Variants in TNNI3K observed in about 807,000 individuals in gnomAD.
The protein encoded by TNNI3K is serine/threonine-protein kinase TNNI3K.
A neutral mutation model predicts 114.5 loss-of-function variants in TNNI3K; 140 were observed. The ratio of observed to expected loss-of-function variants is 1.22; its 90% CI spans 1.07 to 1.41. TNNI3K has a LOEUF of 1.41. TNNI3K is among the 40% of genes most tolerant of loss of function. The probability of loss-of-function intolerance (pLI) is 0.00; values close to 1 mark genes in which losing one functional copy is unlikely to be tolerated. For synonymous variants in TNNI3K, 347 were observed against 347.5 expected (o/e 1.00, Z 0.02); for missense variants, 1,125 against 1,007.6 (o/e 1.12, Z -1.58).
chr1:74,289,894 C>T (rs117841162), intron 5 of TNNI3K, among the ~76,000 whole-genome samples: 2,800 of 151,948 alleles, frequency 0.018, 67 homozygotes, highest in Admixed American at 0.053. Flanking sequence ...GAGAGACAGT[C>T]ACTTTGTTTA....
At chr1:74,287,692 A>G (rs1007740092) in intron 5 of TNNI3K, among the ~76,000 whole-genome samples, 4 of 152,158 alleles carry the variant, frequency 2.6e-5, no homozygotes, top group Admixed American at 2.6e-4. Flanking sequence ...CTTGGCTATG[A>G]CCTCAAAAAC....
At chr1:74,241,503 T>C (rs1453387263) in intron 2 of TNNI3K, among the ~76,000 whole-genome samples, 1 of 152,226 alleles carries the variant, frequency 6.6e-6, no homozygotes, top group African/African-American at 2.4e-5. Flanking sequence ...CTCATTGTGG[T>C]TTTGATTTGC....
intron 5 of TNNI3K, among the ~76,000 whole-genome samples, chr1:74,295,178 A>T (rs72641165): frequency 0.097 from 45 of 462 alleles, no homozygotes; most frequent in East Asian, 0.31. Context: ...GTTACTAATT[A>T]TTTTTTTACT....
At chr1:74,375,631 C>T (rs943318075) in intron 17 of TNNI3K, 12 of 454,468 alleles carry the variant, frequency 2.6e-5, no homozygotes, top group African/African-American at 2.4e-4. Context: ...GTCTCCTGGC[C>T]CCAGGAGACT....
In TNNI3K at chr1:74,268,838, C is replaced by T. The variant is rs534668048; in HGVS notation, c.334-2760C>T. ...TTTACTTCTGCCTCAAAATCTGCTTCTTCCTGGTTCTTCCCTATCTCTCTA... is the reference window on the plus strand; with the variant it reads ...TTTACTTCTGCCTCAAAATCTGCTTTTTCCTGGTTCTTCCCTATCTCTCTA... On this transcript the variant is annotated intron_variant, in intron 4 of 24. Transcript: ENST00000326637. 3.3e-5 allele frequency among the ~76,000 whole-genome samples: 5 copies of T among 151,906 alleles called. No individual in the cohort carries two copies. In the South Asian group the frequency reaches 1.0e-3, roughly 32 times the overall value.
intron 4 of TNNI3K, among the ~76,000 whole-genome samples, chr1:74,254,622 C>G (rs1203114628): frequency 2.6e-5 from 4 of 152,098 alleles, no homozygotes; most frequent in Admixed American, 2.6e-4. Context: ...TCCTTTTGTT[C>G]ACTACATCAA....
chr1:74,300,057 A>T (rs1557483572), intron 5 of TNNI3K, among the ~76,000 whole-genome samples: 1 of 152,054 alleles, frequency 6.6e-6, no homozygotes. Flanking sequence ...CCTTGAATTC[A>T]CTCTTTTGGC....
chr1:74,361,936 G>A (rs1364098983), intron 11 of TNNI3K, among the ~76,000 whole-genome samples: 2 of 152,104 alleles, frequency 1.3e-5, no homozygotes. Context: ...CTTCTCTTAA[G>A]GTAAAGGACC....
chr1:74,410,880 C>G (rs1376833124), intron 17 of TNNI3K, among the ~76,000 whole-genome samples: 1 of 152,152 alleles, frequency 6.6e-6, no homozygotes, highest in Non-Finnish European at 1.5e-5. Flanking sequence ...GAGTTTCAAA[C>G]AGACTGATTT....
intron 7 of TNNI3K, among the ~76,000 whole-genome samples, chr1:74,336,972 T>A (rs1175037663): frequency 6.6e-6 from 1 of 151,820 alleles, no homozygotes; most frequent in East Asian, 1.9e-4. Context: ...ACCAACAGTG[T>A]AAAAGTGTTC....
intron 17 of TNNI3K, chr1:74,372,055 A>T (rs1190667656): frequency 2.7e-5 from 4 of 150,640 alleles, no homozygotes; most frequent in Non-Finnish European, 5.9e-5. Context: ...TCCTGAATAC[A>T]TACTCCAATT....
chr1:74,457,993 G>A (rs891404749), intron 20 of TNNI3K, among the ~76,000 whole-genome samples: 18 of 152,098 alleles, frequency 1.2e-4, no homozygotes, highest in Admixed American at 3.9e-4. Context: ...AAACAAAACA[G>A]AAAACATACA....
chr1:74,369,387 C>G lies in TNNI3K; in HGVS notation c.1473-4C>G. 1 of 1,607,376 alleles carries G rather than the reference C, an allele frequency of 6.2e-7. No individual in the cohort carries two copies. Among genetic ancestry groups the G allele is most frequent in the Non-Finnish European group, 8.5e-7 (1 of 1,176,764 alleles). Reference sequence around the variant, plus strand: ...TGAAGATTTTCTGTTGCTGCCATTTCCAGTTATCGAGCCAATACCTACTGC... The same window carrying G: ...TGAAGATTTTCTGTTGCTGCCATTTGCAGTTATCGAGCCAATACCTACTGC... On this transcript the variant is annotated splice_polypyrimidine_tract_variant and splice_region_variant and intron_variant, in intron 15 of 24. Transcript: ENST00000326637.
At chr1:74,361,462 T>TTC (rs1661962664) in intron 11 of TNNI3K, among the ~76,000 whole-genome samples, 1 of 152,144 alleles carries the variant, frequency 6.6e-6, no homozygotes, top group South Asian at 2.1e-4. Context: ...TAAATAATAT[T>TTC]TCTTTTTCAA....
intron 17 of TNNI3K, chr1:74,372,414 C>T (rs533263938): frequency 1.1e-4 from 16 of 151,816 alleles, no homozygotes; most frequent in Admixed American, 3.3e-4. Flanking sequence ...AAATCAGATA[C>T]GTGAGTGGTA....
At chr1:74,460,693 C>T (rs1667420859) in intron 20 of TNNI3K, among the ~76,000 whole-genome samples, 1 of 152,224 alleles carries the variant, frequency 6.6e-6, no homozygotes, top group Non-Finnish European at 1.5e-5. Flanking sequence ...ACAAAACAAT[C>T]TCAAGGTGAC....
intron 23 of TNNI3K, among the ~76,000 whole-genome samples, chr1:74,511,658 G>A (rs1670233997): frequency 1.3e-5 from 2 of 151,966 alleles, no homozygotes; most frequent in South Asian, 2.1e-4. Flanking sequence ...AGTCCTGGGG[G>A]AATTCACAGT....
chr1:74,306,965 G>A (rs1199953089), intron 5 of TNNI3K, among the ~76,000 whole-genome samples: 1 of 152,018 alleles, frequency 6.6e-6, no homozygotes, highest in Non-Finnish European at 1.5e-5. Context: ...TTTTAACCAG[G>A]TCTTCTCATA....
chr1:74,246,221 C>T (rs1281034208), intron 2 of TNNI3K, among the ~76,000 whole-genome samples: 1 of 152,190 alleles, frequency 6.6e-6, no homozygotes, highest in Non-Finnish European at 1.5e-5. Flanking sequence ...TGGTCTTTGG[C>T]CCAGCCTGGC....
Sources: gnomAD v4.1 joint callset for allele counts (sites outside exome capture counted in the v4.1 genomes callset) on GRCh38, gnomAD v4.1.1 for gene constraint, MANE v1.5 for transcripts, NCBI Gene and HGNC (gene_info 2026-07-23, HGNC 2026-07-21) for gene names.